SND1: variants seen among roughly 807,000 people sequenced by gnomAD.
SND1 encodes staphylococcal nuclease and tudor domain containing 1.
A neutral mutation model predicts 121.7 loss-of-function variants in SND1; 38 were observed. The observed-to-expected ratio is 0.31, with a 90% CI of 0.24 to 0.41. The LOEUF (loss-of-function observed/expected upper bound fraction) is 0.41. Ranked by LOEUF, SND1 falls within the 10% of genes least tolerant of loss-of-function variation. The probability of loss-of-function intolerance (pLI) is 1.00; values close to 1 mark genes in which losing one functional copy is unlikely to be tolerated. For missense variants in SND1, 868 were observed against 1,184.6 expected (o/e 0.73, Z 3.92); for synonymous variants, 401 against 447.4 (o/e 0.90, Z 1.31).
At chr7:128,081,625 A>G in intron 18 of SND1, 124 bp downstream of exon 18, 1 of 1,127,276 alleles carries the variant, frequency 8.9e-7, no homozygotes, top group South Asian at 1.4e-5. Context: ...GCCTCCCCTG[A>G]AGAGCTCACG....
intron 15 of SND1, among the ~76,000 whole-genome samples, chr7:127,986,430 A>G (rs547969469): frequency 3.2e-4 from 48 of 152,228 alleles, no homozygotes; most frequent in African/African-American, 7.0e-4. Context: ...AAGGCCTTGC[A>G]TATCCTTCAT....
intron 16 of SND1, among the ~76,000 whole-genome samples, chr7:128,004,433 C>T (rs1049570477): frequency 3.9e-5 from 6 of 152,130 alleles, no homozygotes; most frequent in Admixed American, 1.3e-4. Context: ...AATAATTATG[C>T]CCAGTTGGTA....
chr7:127,813,316 C>T (rs919132668), intron 11 of SND1, among the ~76,000 whole-genome samples: 2 of 152,166 alleles, frequency 1.3e-5, no homozygotes, highest in Admixed American at 6.6e-5. Context: ...GATTCTTGAG[C>T]TCTCTTGTAA....
chr7:127,895,092 G>A (rs1477135568), intron 13 of SND1, among the ~76,000 whole-genome samples: 4 of 151,764 alleles, frequency 2.6e-5, no homozygotes, highest in Non-Finnish European at 4.4e-5. Flanking sequence ...ATTGTCCTGT[G>A]AGAGTATATT....
At chr7:127,737,836 A>T (rs1796804830) in intron 10 of SND1, among the ~76,000 whole-genome samples, 1 of 152,140 alleles carries the variant, frequency 6.6e-6, no homozygotes. Flanking sequence ...TGGATTAGGG[A>T]TACTCAACCT....
chr7:127,735,253 G>A (rs1261351012), intron 10 of SND1, among the ~76,000 whole-genome samples: 2 of 152,194 alleles, frequency 1.3e-5, no homozygotes, highest in African/African-American at 4.8e-5. Flanking sequence ...CCTTAGTATT[G>A]AGTGGACTTC....
chr7:127,916,063 T>G (rs184571938), intron 14 of SND1, among the ~76,000 whole-genome samples: 5,077 of 150,598 alleles, frequency 0.034, 101 homozygotes, highest in East Asian at 0.062. Context: ...CATATATATA[T>G]AGAGAGAGAG....
Position 127,862,529 on chromosome 7 carries a change from A to G in SND1, c.1343+18105A>G, listed in dbSNP as rs118158600. ...CTAAATTGGAACTTGTTTCTTTTAA[A>G]TCAGCCTTGTAATGTATTACAGACA... On this transcript the variant is annotated intron_variant, in intron 12 of 23. Coordinates refer to ENST00000354725, the MANE Select transcript of SND1 (RefSeq NM_014390.4). Among the ~76,000 whole-genome samples, 24 of 152,370 alleles carry G rather than the reference A, an allele frequency of 1.6e-4. No homozygotes were observed. In the East Asian group the frequency reaches 4.6e-3, roughly 29 times the overall value.
rs758295389 is a variant in SND1, at chr7:128,089,470, G to A, written c.2419-19G>A. The A allele has an allele frequency of 1.9e-6, 3 of 1,601,510 alleles. No individual in the cohort carries two copies. The highest frequency in any genetic ancestry group is 2.6e-6 in the Non-Finnish European group (3 of 1,171,368). ...GTTGTTCTCTGGCTTGCTCTGACCT[G>A]AGTGTGTCTCTGCTCCAGGATGATG... On this transcript the variant is annotated intron_variant, in intron 21 of 23. Coordinates refer to ENST00000354725, the MANE Select transcript of SND1 (RefSeq NM_014390.4).
At chr7:127,731,687 C>T (rs527438731) in intron 10 of SND1, among the ~76,000 whole-genome samples, 1 of 152,196 alleles carries the variant, frequency 6.6e-6, no homozygotes, top group Non-Finnish European at 1.5e-5. Context: ...TCAGCACTGT[C>T]AGAGTTCAGG....
chr7:127,672,302 T>C (rs1795532872), intron 1 of SND1, among the ~76,000 whole-genome samples: 2 of 151,956 alleles, frequency 1.3e-5, no homozygotes, highest in South Asian at 4.2e-4. Context: ...ACCATCAAGA[T>C]CAGAAATTAA....
At chr7:127,891,978 C>T (rs1248464549) in intron 13 of SND1, among the ~76,000 whole-genome samples, 1 of 152,100 alleles carries the variant, frequency 6.6e-6, no homozygotes, top group African/African-American at 2.4e-5. Flanking sequence ...GGTGGCAAGG[C>T]ATCATTCTGC....
chr7:128,029,312 C>G lies in SND1; in HGVS notation c.1779+38256C>G. On this transcript the variant is annotated intron_variant, in intron 16 of 23. Transcript: ENST00000354725. The surrounding 1 kb of genome is among the most constrained non-coding windows in gnomAD (Gnocchi z 4.2). ...TGTAGTTGGAGGTGTTAAGCTCAGC[C>G]GTGCTCACATTGAGGTAGGCCGAGG... 3 of 1,614,120 alleles carry G rather than the reference C, an allele frequency of 1.9e-6. No homozygotes were observed. The South Asian group carries it at 3.3e-5, about 18-fold the overall frequency.
At chr7:128,078,171 C>T (rs573661197) in intron 17 of SND1, among the ~76,000 whole-genome samples, 19 of 152,322 alleles carry the variant, frequency 1.2e-4, no homozygotes, top group South Asian at 6.2e-4. Flanking sequence ...AGGGCAACCA[C>T]GCCTGTCCCA....
intron 16 of SND1, among the ~76,000 whole-genome samples, chr7:128,014,505 G>A (rs539348500): frequency 7.9e-5 from 12 of 152,298 alleles, no homozygotes; most frequent in African/African-American, 2.6e-4. Context: ...CTTGTCCCCC[G>A]AACAGTCCAC....
chr7:127,777,136 A>G (rs1226944314), intron 10 of SND1, among the ~76,000 whole-genome samples: 2 of 152,216 alleles, frequency 1.3e-5, no homozygotes, highest in Non-Finnish European at 1.5e-5. Flanking sequence ...CCAGCTTGTT[A>G]AGAGGAAAGG....
intron 13 of SND1, among the ~76,000 whole-genome samples, chr7:127,894,873 C>T (rs372639617): frequency 7.4e-5 from 11 of 148,102 alleles, no homozygotes; most frequent in South Asian, 6.4e-4. Flanking sequence ...TAGCGGTGAA[C>T]AAAAAAGATA....
chr7:128,086,818 T>C, intron 20 of SND1, 120 bp from the exon 21 acceptor site: 8 of 805,732 alleles, frequency 9.9e-6, no homozygotes, highest in Non-Finnish European at 1.7e-5. Context: ...AACCAAGTCA[T>C]GGGATGAACA....
At chr7:127,822,918 C>T (rs1396994723) in intron 11 of SND1, among the ~76,000 whole-genome samples, 1 of 152,168 alleles carries the variant, frequency 6.6e-6, no homozygotes, top group Non-Finnish European at 1.5e-5. Flanking sequence ...TCTGGGGTAG[C>T]ATTACCTAAA....
Sources: gnomAD v4.1 joint callset for allele counts (sites outside exome capture counted in the v4.1 genomes callset) on GRCh38, gnomAD v4.1.1 for gene constraint, Gnocchi (gnomAD v3.1) non-coding constraint, MANE v1.5 for transcripts, NCBI Gene and HGNC (gene_info 2026-07-23, HGNC 2026-07-21) for gene names.